The following GPATCH2 variants were observed in gnomAD, a reference collection of about 807,000 sequenced individuals.
GPATCH2 encodes the protein G patch domain-containing protein 2.
A neutral mutation model predicts 58.0 loss-of-function variants in GPATCH2; 51 were observed. The observed-to-expected ratio is 0.88, with a 90% CI of 0.70 to 1.11. GPATCH2 has a LOEUF of 1.11. GPATCH2 is among the 50% of genes most tolerant of loss of function. The pLI, the probability that GPATCH2 is intolerant of heterozygous loss-of-function variation, is 0.00. For synonymous variants in GPATCH2, 222 were observed against 218.5 expected (o/e 1.02, Z -0.14); for missense variants, 625 against 652.2 (o/e 0.96, Z 0.45).
chr1:217,446,284 G>A (rs778499062), intron 9 of GPATCH2, among the ~76,000 whole-genome samples: 54 of 152,124 alleles, frequency 3.5e-4, no homozygotes, highest in Non-Finnish European at 6.8e-4. Flanking sequence ...CCTATAAAAG[G>A]GCAAGAATAT....
chr1:217,609,893 AC>A, intron 5 of GPATCH2: 1 of 1,082,368 alleles, frequency 9.2e-7, no homozygotes, highest in Non-Finnish European at 1.1e-6. Flanking sequence ...TAAAAAAAAA[AC>A]CATAAAAGAG....
At chr1:217,442,449 C>G (rs1326224807) in intron 9 of GPATCH2, among the ~76,000 whole-genome samples, 1 of 152,010 alleles carries the variant, frequency 6.6e-6, no homozygotes, top group Non-Finnish European at 1.5e-5. Flanking sequence ...ATGTAACAAG[C>G]CTGCACGTTC....
intron 5 of GPATCH2, among the ~76,000 whole-genome samples, chr1:217,562,363 C>T (rs544126531): frequency 1.3e-5 from 2 of 152,268 alleles, no homozygotes; most frequent in East Asian, 3.9e-4. Flanking sequence ...AAGTGAATTA[C>T]TATGATGGCA....
chr1:217,511,765 T>C (rs1662862086), intron 6 of GPATCH2, among the ~76,000 whole-genome samples: 1 of 152,018 alleles, frequency 6.6e-6, no homozygotes, highest in South Asian at 2.1e-4. Flanking sequence ...TTAAAGCAGA[T>C]AGGCAGGTCA....
intron 5 of GPATCH2, among the ~76,000 whole-genome samples, chr1:217,539,841 C>T (rs1466971810): frequency 6.6e-6 from 1 of 151,930 alleles, no homozygotes; most frequent in Non-Finnish European, 1.5e-5. Context: ...AATAGATAAC[C>T]CTGAAAGACT....
At chr1:217,547,223 T>A (rs989573434) in intron 5 of GPATCH2, among the ~76,000 whole-genome samples, 1 of 151,678 alleles carries the variant, frequency 6.6e-6, no homozygotes, top group Non-Finnish European at 1.5e-5. Flanking sequence ...ATTAGCCAGG[T>A]GTGGTGGTGG....
At chr1:217,551,136 G>C (rs756391962) in intron 5 of GPATCH2, among the ~76,000 whole-genome samples, 1 of 149,954 alleles carries the variant, frequency 6.7e-6, no homozygotes, top group Non-Finnish European at 1.5e-5. Flanking sequence ...AAAAAAAACA[G>C]AGAGAAACCT....
intron 5 of GPATCH2, among the ~76,000 whole-genome samples, chr1:217,572,210 A>G (rs1666601054): frequency 6.6e-6 from 1 of 152,190 alleles, no homozygotes. Context: ...ATTGATAGCT[A>G]GTAGAAGAAT....
chr1:217,626,985 GA>G (rs139150734), intron 1 of GPATCH2, among the ~76,000 whole-genome samples: 35 of 145,244 alleles, frequency 2.4e-4, no homozygotes, highest in African/African-American at 5.3e-4. Context: ...ATTCTCTAGG[GA>G]AAAAAAAAAG....
At chr1:217,550,142 A>G (rs1449868951) in intron 5 of GPATCH2, among the ~76,000 whole-genome samples, 1 of 152,150 alleles carries the variant, frequency 6.6e-6, no homozygotes. Flanking sequence ...TCTGGGTTCT[A>G]TAGCAGAAAG....
chr1:217,600,968 A>C (rs937141735), intron 5 of GPATCH2, among the ~76,000 whole-genome samples: 4 of 152,156 alleles, frequency 2.6e-5, no homozygotes, highest in Admixed American at 2.6e-4. Flanking sequence ...TCGAAAACAA[A>C]ACAGTAAAAT....
intron 8 of GPATCH2, among the ~76,000 whole-genome samples, chr1:217,487,120 C>T (rs1407537705): frequency 6.6e-6 from 1 of 152,168 alleles, no homozygotes; most frequent in African/African-American, 2.4e-5. Context: ...GGATTGCCTC[C>T]TGTCTCAAGT....
chr1:217,615,285 G>A (rs1668829396), intron 2 of GPATCH2, among the ~76,000 whole-genome samples: 2 of 151,940 alleles, frequency 1.3e-5, no homozygotes, highest in Non-Finnish European at 2.9e-5. Flanking sequence ...TATTAATGAA[G>A]AATATAGGAA....
chr1:217,475,055 C>A (rs1660909042), intron 8 of GPATCH2, among the ~76,000 whole-genome samples: 1 of 152,182 alleles, frequency 6.6e-6, no homozygotes, highest in Non-Finnish European at 1.5e-5. Context: ...TCAAGTTGCC[C>A]TGTGCCTAAC....
chr1:217,574,098 C>T (rs952279915), intron 5 of GPATCH2, among the ~76,000 whole-genome samples: 4 of 152,074 alleles, frequency 2.6e-5, no homozygotes, highest in South Asian at 2.1e-4. Context: ...AGATAAATAA[C>T]GATTATTCTT....
chr1:217,566,845 T>TA (rs986386033), intron 5 of GPATCH2, among the ~76,000 whole-genome samples: 1 of 152,230 alleles, frequency 6.6e-6, no homozygotes. Context: ...GTTTTGCTAC[T>TA]GTGGCAGTTT....
rs945239090 is a variant in GPATCH2 at position 217,584,350 on chromosome 1, T to C, written c.1098+25971A>G. Among the ~76,000 whole-genome samples the C allele has an allele frequency of 2.9e-3, 165 of 56,434 alleles. 3 individuals carry two copies. Among genetic ancestry groups the C allele is most frequent in the African/African-American group, 8.5e-3 (159 of 18,602 alleles). The allele number at this position is 56,434 out of a possible 152,430, so 37.0% of individuals were successfully genotyped here. On this transcript the variant is annotated intron_variant, in intron 5 of 9. Transcript: ENST00000366935. ...TCTACTAAAAAAAAAAAAAAATATA[T>C]ATATATATATATATACACACACACA... is the stretch of plus-strand genomic sequence containing the variant.
intron 5 of GPATCH2, among the ~76,000 whole-genome samples, chr1:217,570,121 T>C (rs1043785885): frequency 6.6e-5 from 10 of 152,074 alleles, no homozygotes; most frequent in African/African-American, 2.4e-4. Flanking sequence ...CCAAAACATA[T>C]ATATGTTTTG....
intron 8 of GPATCH2, among the ~76,000 whole-genome samples, chr1:217,482,930 T>C (rs193088095): frequency 6.6e-6 from 1 of 152,310 alleles, no homozygotes; most frequent in African/African-American, 2.4e-5. Context: ...ACCCCATGTC[T>C]GGGCAACAAC....
Sources: gnomAD v4.1 joint callset for allele counts (sites outside exome capture counted in the v4.1 genomes callset) on GRCh38, gnomAD v4.1.1 for gene constraint, MANE v1.5 for transcripts, NCBI Gene and HGNC (gene_info 2026-07-23, HGNC 2026-07-21) for gene names.